TUSC3: variants seen among roughly 807,000 people sequenced by gnomAD.
TUSC3 encodes the protein tumor suppressor candidate 3, also known as dolichyl-diphosphooligosaccharide--protein glycosyltransferase subunit TUSC3.
Under a neutral mutation model 44.8 loss-of-function variants are expected in TUSC3, and 45 were observed. That is an observed-to-expected ratio of 1.00 (90% CI 0.79 to 1.29). TUSC3 has a LOEUF of 1.29. Ranked by LOEUF, TUSC3 falls within the 50% of genes most tolerant of loss-of-function variation. The probability of loss-of-function intolerance (pLI) is 0.00; values close to 1 mark genes in which losing one functional copy is unlikely to be tolerated. For missense variants in TUSC3, 519 were observed against 437.9 expected, an observed-to-expected ratio of 1.19 and a Z score of -1.65; for synonymous variants, 212 against 152.9, an observed-to-expected ratio of 1.39 and a Z score of -2.85.
At chr8:15,417,320 C>A (rs944285265) in intron 1 of TUSC3, 2 of 152,316 alleles carry the variant, frequency 1.3e-5, no homozygotes, top group African/African-American at 4.8e-5. Context: ...GTCAATTAAA[C>A]CTCTTTTCTT....
intron 8 of TUSC3, 69 bp downstream of exon 8, chr8:15,743,681 A>T: frequency 6.6e-7 from 1 of 1,522,092 alleles, no homozygotes; most frequent in Non-Finnish European, 9.1e-7. Flanking sequence ...CAAATGGGAA[A>T]TACATAAAAG....
intron 4 of TUSC3, among the ~76,000 whole-genome samples, chr8:15,660,616 G>T (rs1807378664): frequency 6.6e-6 from 1 of 151,862 alleles, no homozygotes; most frequent in Non-Finnish European, 1.5e-5. Flanking sequence ...AAACACATTT[G>T]TTCTGAGTCA....
intron 1 of TUSC3, among the ~76,000 whole-genome samples, chr8:15,619,870 A>T (rs562092971): frequency 1.3e-5 from 2 of 152,184 alleles, no homozygotes; most frequent in African/African-American, 4.8e-5. Flanking sequence ...TAGATCAAGG[A>T]TAATGGACAT....
chr8:15,719,404 A>C (rs989965465), intron 6 of TUSC3, among the ~76,000 whole-genome samples: 1 of 151,030 alleles, frequency 6.6e-6, no homozygotes, highest in Non-Finnish European at 1.5e-5. Context: ...TTAAATTGCA[A>C]CCTGCTCCCC....
At position 15,502,641 on chromosome 8, in the gene TUSC3, C is replaced by T. The variant is rs7001439; in HGVS notation, n.189+19158C>T. ...AAGTAGCTGGGACTACAGGAACCCA[C>T]CACCACACCTGGCTACTTTTTTTGT... is the stretch of plus-strand genomic sequence containing the variant. On this transcript the variant is annotated intron_variant and non_coding_transcript_variant, in intron 2 of 5. Transcript: ENST00000503191. Among the ~76,000 whole-genome samples the T allele has an allele frequency of 6.3e-3, 953 of 152,286 alleles. 7 individuals carry two copies. The highest frequency in any genetic ancestry group is 0.021 in the African/African-American group (892 of 41,562).
At chr8:15,848,616 C>T in the TUSC3 span, among the ~76,000 whole-genome samples, 1 of 152,234 alleles carries the variant, frequency 6.6e-6, no homozygotes, top group African/African-American at 2.4e-5. Flanking sequence ...ATTCTTGGCT[C>T]TGTGTGGGTG....
At chr8:15,540,216 A>G (rs1585082147), upstream of TUSC3, 1 of 621,882 alleles carries the variant, frequency 1.6e-6, no homozygotes, top group Non-Finnish European at 2.4e-6. Flanking sequence ...TCCTGCCCCC[A>G]TCCCGCGCCT....
chr8:15,460,956 T>G (rs1250199535), intron 1 of TUSC3, among the ~76,000 whole-genome samples: 6 of 152,166 alleles, frequency 3.9e-5, no homozygotes, highest in Non-Finnish European at 8.8e-5. Flanking sequence ...TGAAATCAGG[T>G]AGTGTGATGC....
intron 1 of TUSC3, among the ~76,000 whole-genome samples, chr8:15,568,666 A>G (rs1270723816): frequency 6.7e-6 from 1 of 148,480 alleles, no homozygotes; most frequent in East Asian, 2.0e-4. Flanking sequence ...GCAGTGGTAT[A>G]ATCTTAGCGC....
chr8:15,701,193 C>T (rs1234785758), intron 6 of TUSC3, among the ~76,000 whole-genome samples: 1 of 152,062 alleles, frequency 6.6e-6, no homozygotes, highest in Non-Finnish European at 1.5e-5. Context: ...GTATATTTCC[C>T]TGTAATAATC....
intron 1 of TUSC3, among the ~76,000 whole-genome samples, chr8:15,612,709 C>G (rs190971540): frequency 1.4e-3 from 208 of 152,198 alleles, no homozygotes; most frequent in African/African-American, 4.7e-3. Context: ...GACCTTCTAA[C>G]CTTTGTTTTT....
At chr8:15,594,767 C>G (rs1002780314) in intron 1 of TUSC3, among the ~76,000 whole-genome samples, 6 of 152,106 alleles carry the variant, frequency 3.9e-5, no homozygotes, top group African/African-American at 9.7e-5. Context: ...TAGTTATCAA[C>G]TTGAGTTTGG....
chr8:15,621,881 C>G (rs1257258887), intron 1 of TUSC3, among the ~76,000 whole-genome samples: 2 of 151,794 alleles, frequency 1.3e-5, no homozygotes, highest in African/African-American at 2.4e-5. Flanking sequence ...TTACTATGCT[C>G]TTTGGCCAGC....
chr8:15,418,339 A>G (rs1799686825), intron 1 of TUSC3, among the ~76,000 whole-genome samples: 1 of 152,156 alleles, frequency 6.6e-6, no homozygotes, highest in Non-Finnish European at 1.5e-5. Context: ...TGTTTTCCCA[A>G]CATAGATGAC....
intron 1 of TUSC3, among the ~76,000 whole-genome samples, chr8:15,612,699 G>C (rs954561340): frequency 1.3e-5 from 2 of 152,170 alleles, no homozygotes; most frequent in Non-Finnish European, 2.9e-5. Flanking sequence ...TCATAGATGT[G>C]ACCTTCTAAC....
At chr8:15,769,114 CA>C (rs1812398745), downstream of TUSC3, among the ~76,000 whole-genome samples, 1 of 152,024 alleles carries the variant, frequency 6.6e-6, no homozygotes, top group African/African-American at 2.4e-5. Flanking sequence ...CCTGCATAAC[CA>C]AGACAATCTT....
At chr8:15,528,253 A>C (rs936662087) in intron 2 of TUSC3, among the ~76,000 whole-genome samples, 7 of 152,214 alleles carry the variant, frequency 4.6e-5, no homozygotes, top group African/African-American at 1.7e-4. Context: ...AATTAAAATG[A>C]ACATTTGTTC....
chr8:15,609,752 T>TAAAA (rs140799021), intron 1 of TUSC3, among the ~76,000 whole-genome samples: 1 of 150,918 alleles, frequency 6.6e-6, no homozygotes. Context: ...CAACAAACAT[T>TAAAA]TAAAAAAAAA....
Position 15,556,540 on chromosome 8 carries a change from A to G in TUSC3, c.138+15972A>G, listed in dbSNP as rs543038672. 3.7e-4 allele frequency among the ~76,000 whole-genome samples: 55 copies of G among 149,966 alleles called. 1 individual carries two copies. Among genetic ancestry groups the G allele is most frequent in the Non-Finnish European group, 6.7e-4 (45 of 67,288 alleles). ...ACCCAGTAATGGGATGGCTGGGTCA[A>G]ATGGTATTTCCAGTTCTAGATCCCT... On this transcript the variant is annotated intron_variant, in intron 1 of 10. Transcript: ENST00000503731.
Sources: gnomAD v4.1 joint callset for allele counts (sites outside exome capture counted in the v4.1 genomes callset) on GRCh38, gnomAD v4.1.1 for gene constraint, MANE v1.5 for transcripts, NCBI Gene and HGNC (gene_info 2026-07-23, HGNC 2026-07-21) for gene names.